Variants in AGTPBP1 observed in about 807,000 individuals in gnomAD.
The protein encoded by AGTPBP1 is cytosolic carboxypeptidase 1.
A neutral mutation model predicts 143.9 loss-of-function variants in AGTPBP1; 70 were observed. That is an observed-to-expected ratio of 0.49 (90% confidence interval 0.40 to 0.59). The LOEUF (loss-of-function observed/expected upper bound fraction) is 0.59, where lower values mean the gene tolerates loss of function less well. AGTPBP1 is among the 20% of genes least tolerant of loss of function. The probability of loss-of-function intolerance (pLI) is 0.00; values close to 1 mark genes in which losing one functional copy is unlikely to be tolerated. For missense variants in AGTPBP1, 1,229 were observed against 1,464.5 expected (o/e 0.84, Z 2.62); for synonymous variants, 463 against 500.2 (o/e 0.93, Z 0.99).
In AGTPBP1 at chr9:85,737,384, G is replaced by A. The variant is rs993144562; in HGVS notation, c.-34+4391C>T. ...TTACTCAAATTGGAATATTTTGGCAGAGGTTTTCTCAGAAATGAATAAACT... is the reference window on the plus strand; with the variant it reads ...TTACTCAAATTGGAATATTTTGGCAAAGGTTTTCTCAGAAATGAATAAACT... On this transcript the variant is annotated intron_variant, in intron 1 of 25. Coordinates refer to ENST00000357081, the MANE Select transcript of AGTPBP1 (RefSeq NM_001330701.2). Among the ~76,000 whole-genome samples, 16 of 152,300 alleles carry A rather than the reference G, an allele frequency of 1.1e-4. 1 individual carries two copies. In the Middle Eastern group the frequency reaches 0.017, roughly 162 times the overall value.
At chr9:85,751,764 G>A in the AGTPBP1 span, among the ~76,000 whole-genome samples, 1 of 151,998 alleles carries the variant, frequency 6.6e-6, no homozygotes, top group Non-Finnish European at 1.5e-5. Context: ...ACAGGCACAC[G>A]CCCGGCTAAT....
chr9:85,605,138 G>T (rs1263559842), intron 17 of AGTPBP1, among the ~76,000 whole-genome samples: 2 of 152,034 alleles, frequency 1.3e-5, no homozygotes, highest in African/African-American at 4.8e-5. Flanking sequence ...GTACAAGAAG[G>T]CTATAGAACA....
the AGTPBP1 span, among the ~76,000 whole-genome samples, chr9:85,781,815 C>T: frequency 1.3e-5 from 2 of 152,010 alleles, no homozygotes; most frequent in Non-Finnish European, 2.9e-5. Flanking sequence ...ATTTTTGAGA[C>T]AAAGATGTTT....
chr9:85,778,505 C>CAG, the AGTPBP1 span, among the ~76,000 whole-genome samples: 1 of 152,188 alleles, frequency 6.6e-6, no homozygotes, highest in Admixed American at 6.5e-5. Context: ...GCCCAAGTGG[C>CAG]AGAGCAGCTT....
intron 1 of AGTPBP1, among the ~76,000 whole-genome samples, chr9:85,714,378 G>C (rs1837568164): frequency 6.6e-6 from 1 of 152,126 alleles, no homozygotes; most frequent in African/African-American, 2.4e-5. Flanking sequence ...GTGCATTTTA[G>C]CACTGCTTTT....
At chr9:85,742,576 A>T (rs776042418), upstream of AGTPBP1, among the ~76,000 whole-genome samples, 7 of 152,162 alleles carry the variant, frequency 4.6e-5, no homozygotes, top group Admixed American at 1.3e-4. Flanking sequence ...ATCTCAGTAA[A>T]TTAGATGCCT....
Position 85,741,759 on chromosome 9 carries a change from G to T in AGTPBP1, c.-34+16C>A. 7.6e-7 allele frequency: 1 copy of T among 1,321,602 alleles called. No homozygotes were observed. Among genetic ancestry groups the T allele is most frequent in the Non-Finnish European group, 9.6e-7 (1 of 1,038,982 alleles). 81.9% of individuals were successfully genotyped at this position (1,321,602 alleles called of 1,614,324 possible). ...GACGGCCGGCCGGGACATGAGGACT[G>T]CAGCAGGGCGCTCACCGGCTCAGGA... On this transcript the variant is annotated intron_variant, in intron 1 of 25. Transcript: ENST00000357081.
At chr9:85,580,800 G>A (rs1828208261) in intron 23 of AGTPBP1, among the ~76,000 whole-genome samples, 1 of 152,098 alleles carries the variant, frequency 6.6e-6, no homozygotes, top group South Asian at 2.1e-4. Context: ...TAACAAAAAT[G>A]CACAATGGAA....
At chr9:85,635,865 G>A (rs1342341284) in intron 13 of AGTPBP1, among the ~76,000 whole-genome samples, 2 of 151,410 alleles carry the variant, frequency 1.3e-5, no homozygotes, top group Admixed American at 1.3e-4. Flanking sequence ...AAAGCCAACT[G>A]TCTTAAATTT....
At chr9:85,637,671 G>A (rs148898368) in intron 13 of AGTPBP1, among the ~76,000 whole-genome samples, 204 of 152,258 alleles carry the variant, frequency 1.3e-3, no homozygotes, top group Non-Finnish European at 2.4e-3. Flanking sequence ...AGACTACAAG[G>A]GGCCCAAGGA....
At chr9:85,656,455 G>A (rs879447740) in intron 10 of AGTPBP1, among the ~76,000 whole-genome samples, 1 of 151,972 alleles carries the variant, frequency 6.6e-6, no homozygotes, top group Non-Finnish European at 1.5e-5. Flanking sequence ...AAAAACTAAG[G>A]TAAACATAAA....
Position 85,681,249 on chromosome 9 carries a change from A to C in AGTPBP1, c.225+19T>G, listed in dbSNP as rs199712879. On this transcript the variant is annotated intron_variant, in intron 4 of 25. Coordinates refer to ENST00000357081, the MANE Select transcript of AGTPBP1 (RefSeq NM_001330701.2). ...CTTGGCATTAGTAGTTACATAATTA[A>C]AGCGTGTCACTGATTTACCTCTAAT... 4.3e-4 allele frequency: 688 copies of C among 1,609,546 alleles called. 7 individuals carry two copies. The South Asian group carries it at 5.6e-3, about 13-fold the overall frequency.
chr9:85,791,615 A>T, the AGTPBP1 span: 1 of 152,134 alleles, frequency 6.6e-6, no homozygotes, highest in African/African-American at 2.4e-5. Flanking sequence ...TTCAAAAAAT[A>T]TTTTGAGAGA....
chr9:85,583,645 A>T (rs185987008), intron 23 of AGTPBP1, among the ~76,000 whole-genome samples: 1 of 152,248 alleles, frequency 6.6e-6, no homozygotes, highest in Admixed American at 6.5e-5. Flanking sequence ...ACTGAGACCA[A>T]AGAGAGTTCA....
the AGTPBP1 span, chr9:85,773,944 T>A: frequency 6.2e-7 from 1 of 1,604,918 alleles, no homozygotes; most frequent in South Asian, 1.1e-5. Context: ...GAATCTGCAC[T>A]GGACCATCTA....
chr9:85,800,076 T>A, the AGTPBP1 span, among the ~76,000 whole-genome samples: 1 of 152,104 alleles, frequency 6.6e-6, no homozygotes, highest in Admixed American at 6.6e-5. Flanking sequence ...GGGAAAGGGG[T>A]CTGCCTTATA....
the AGTPBP1 span, among the ~76,000 whole-genome samples, chr9:85,778,343 A>G: frequency 6.6e-6 from 1 of 152,142 alleles, no homozygotes; most frequent in African/African-American, 2.4e-5. Flanking sequence ...TCTCAAAAGG[A>G]GAGTAGTTAT....
At chr9:85,762,355 A>G in the AGTPBP1 span, among the ~76,000 whole-genome samples, 1 of 152,172 alleles carries the variant, frequency 6.6e-6, no homozygotes, top group Non-Finnish European at 1.5e-5. Context: ...ACAATAGCAA[A>G]GACTTGGAAC....
In AGTPBP1 at chr9:85,693,642, T is replaced by A. The variant is rs555784885; in HGVS notation, c.33-829A>T. On this transcript the variant is annotated intron_variant, in intron 2 of 25. Coordinates refer to ENST00000357081, the MANE Select transcript of AGTPBP1 (RefSeq NM_001330701.2). ...GTACATACGGTACTGATCTAGGTGTTGTCAATATAGTGTAAACAAAACAAG... is the reference window on the plus strand; with the variant it reads ...GTACATACGGTACTGATCTAGGTGTAGTCAATATAGTGTAAACAAAACAAG... 5.3e-5 allele frequency among the ~76,000 whole-genome samples: 8 copies of A among 152,096 alleles called. No homozygotes were observed. In the South Asian group the frequency reaches 1.7e-3, roughly 32 times the overall value.
Sources: allele counts gnomAD v4.1 joint callset (sites outside exome capture counted in the v4.1 genomes callset), GRCh38; gene constraint gnomAD v4.1.1; transcripts MANE v1.5; gene names NCBI Gene and HGNC (gene_info 2026-07-23, HGNC 2026-07-21).